ZMYM4: variants seen among roughly 807,000 people sequenced by gnomAD.
ZMYM4 encodes the protein zinc finger MYM-type containing 4, also known as zinc finger MYM-type protein 4.
A neutral mutation model predicts 183.2 loss-of-function variants in ZMYM4; 31 were observed. The ratio of observed to expected loss-of-function variants is 0.17; its 90% CI spans 0.13 to 0.23. ZMYM4 has a LOEUF of 0.23. Among genes scored for constraint, ZMYM4 ranks in the 10% least tolerant of loss-of-function variants. The probability of loss-of-function intolerance (pLI) is 1.00; values close to 1 mark genes in which losing one functional copy is unlikely to be tolerated. For synonymous variants in ZMYM4, 592 were observed against 631.2 expected (o/e 0.94, Z 0.93); for missense variants, 1,273 against 1,840.3 (o/e 0.69, Z 5.64).
intron 5 of ZMYM4, among the ~76,000 whole-genome samples, chr1:35,365,707 A>C (rs1644060770): frequency 6.6e-6 from 1 of 152,164 alleles, no homozygotes; most frequent in Non-Finnish European, 1.5e-5. Flanking sequence ...AGGTATTGGT[A>C]AAGGAATTTT....
In ZMYM4 at chr1:35,338,849, GA is replaced by G. The variant is rs1279761688; in HGVS notation, c.85+13446del. On this transcript the variant is annotated intron_variant, in intron 2 of 29. Transcript: ENST00000314607. Reference sequence around the variant, plus strand: ...ATTGTAGGCATTCTCTAAATGTTCTGAACAATAAACTTACCAGTTATAGATG... The same window carrying G: ...ATTGTAGGCATTCTCTAAATGTTCTGACAATAAACTTACCAGTTATAGATG... Among the ~76,000 whole-genome samples the G allele has an allele frequency of 2.6e-5, 4 of 152,124 alleles. No homozygotes were observed. In the East Asian group the frequency reaches 7.7e-4, roughly 29 times the overall value.
intron 1 of ZMYM4, among the ~76,000 whole-genome samples, chr1:35,279,677 C>G (rs1170284079): frequency 1.3e-5 from 2 of 152,224 alleles, no homozygotes; most frequent in East Asian, 3.8e-4. Flanking sequence ...GCTGTACCTT[C>G]AGCACTTTGC....
At chr1:35,354,434 T>C (rs1643740012) in intron 2 of ZMYM4, among the ~76,000 whole-genome samples, 1 of 152,110 alleles carries the variant, frequency 6.6e-6, no homozygotes, top group African/African-American at 2.4e-5. Flanking sequence ...TTGTAAAAGT[T>C]GAATTGTTGG....
intron 1 of ZMYM4, among the ~76,000 whole-genome samples, chr1:35,291,329 C>G (rs1405945307): frequency 2.6e-5 from 4 of 151,894 alleles, no homozygotes; most frequent in African/African-American, 9.7e-5. Context: ...TGCTTTGTTG[C>G]CTAGGCTGGT....
chr1:35,332,749 T>C (rs1446607810), intron 2 of ZMYM4, among the ~76,000 whole-genome samples: 1 of 152,156 alleles, frequency 6.6e-6, no homozygotes, highest in Non-Finnish European at 1.5e-5. Context: ...CAGGCTGTAG[T>C]GTAGTGACTA....
chr1:35,303,874 T>C (rs572290762), intron 1 of ZMYM4, among the ~76,000 whole-genome samples: 6 of 152,306 alleles, frequency 3.9e-5, no homozygotes, highest in Admixed American at 6.5e-5. Flanking sequence ...CTTTAAGTTA[T>C]ATCAATAACT....
intron 13 of ZMYM4, among the ~76,000 whole-genome samples, chr1:35,388,205 T>G (rs1644622039): frequency 6.6e-6 from 1 of 152,128 alleles, no homozygotes; most frequent in South Asian, 2.1e-4. Context: ...GTTTTTTTTG[T>G]TTTTGTTTTT....
chr1:35,327,453 C>CT (rs1642553200), intron 2 of ZMYM4, among the ~76,000 whole-genome samples: 2 of 152,064 alleles, frequency 1.3e-5, no homozygotes, highest in African/African-American at 2.4e-5. Context: ...AGGGAATGTA[C>CT]TTTTTTAAAA....
chr1:35,270,640 A>G (rs1251836619), intron 1 of ZMYM4, among the ~76,000 whole-genome samples: 1 of 152,098 alleles, frequency 6.6e-6, no homozygotes, highest in Non-Finnish European at 1.5e-5. Flanking sequence ...GGTGCCTGTA[A>G]TCCCAGCTAT....
intron 1 of ZMYM4, chr1:35,296,091 T>C (rs1348842295): frequency 6.6e-6 from 1 of 152,166 alleles, no homozygotes; most frequent in South Asian, 2.1e-4. Flanking sequence ...CCCATCTCAG[T>C]GTGGCATTTT....
chr1:35,330,537 A>G (rs896723985), intron 2 of ZMYM4, among the ~76,000 whole-genome samples: 2 of 152,158 alleles, frequency 1.3e-5, no homozygotes, highest in African/African-American at 4.8e-5. Context: ...TTAGGTTTAT[A>G]TCTCATTGGC....
At chr1:35,321,257 G>A (rs958392855) in intron 1 of ZMYM4, among the ~76,000 whole-genome samples, 2 of 152,136 alleles carry the variant, frequency 1.3e-5, no homozygotes, top group Admixed American at 6.5e-5. Flanking sequence ...ACTTTGTTCG[G>A]GAAGTTGGGT....
intron 1 of ZMYM4, among the ~76,000 whole-genome samples, chr1:35,313,308 TA>T (rs1641885682): frequency 1.3e-5 from 2 of 152,312 alleles, no homozygotes; most frequent in South Asian, 4.1e-4. Context: ...GTGTTGGGAT[TA>T]CAGGCGTGAG....
In ZMYM4 at chr1:35,391,912, G is replaced by T. The variant is rs959010168; in HGVS notation, c.2588-300G>T. ...AAAAATTAGCTGGGTGTGGTGCTGCGCACCTGTAGTCCCAGCTACTTGGGA... is the reference window on the plus strand; with the variant it reads ...AAAAATTAGCTGGGTGTGGTGCTGCTCACCTGTAGTCCCAGCTACTTGGGA... On this transcript the variant is annotated intron_variant, in intron 15 of 29. Transcript: ENST00000314607. Among the ~76,000 whole-genome samples the T allele has an allele frequency of 4.6e-5, 7 of 151,048 alleles. No homozygotes were observed. The East Asian group carries it at 1.2e-3, about 25-fold the overall frequency.
At chr1:35,313,049 A>G (rs1475276109) in intron 1 of ZMYM4, among the ~76,000 whole-genome samples, 1 of 151,998 alleles carries the variant, frequency 6.6e-6, no homozygotes, top group Admixed American at 6.6e-5. Context: ...GAGTGCCACC[A>G]CAGCTGGCTA....
At chr1:35,377,477 A>G (rs1284917093) in intron 7 of ZMYM4, among the ~76,000 whole-genome samples, 3 of 152,204 alleles carry the variant, frequency 2.0e-5, no homozygotes, top group Admixed American at 6.5e-5. Flanking sequence ...AGAGATTTGT[A>G]TAGCCATACT....
chr1:35,336,378 G>A (rs1642975877), intron 2 of ZMYM4, among the ~76,000 whole-genome samples: 1 of 151,490 alleles, frequency 6.6e-6, no homozygotes, highest in Non-Finnish European at 1.5e-5. Context: ...TGTAACATGA[G>A]TCACAATTAC....
chr1:35,282,980 G>GTTTTTTTTTTTTTTTTTTTTTTTTTTT (rs775211352), intron 1 of ZMYM4, among the ~76,000 whole-genome samples: 1 of 26,260 alleles, frequency 3.8e-5, no homozygotes, highest in East Asian at 4.9e-4. Context: ...TGTGTGTGTG[G>GTTTTTTTTTTTTTTTTTTTTTTTTTTT]TTTTTTTTTT....
At chr1:35,272,339 A>G (rs1335522656) in intron 1 of ZMYM4, among the ~76,000 whole-genome samples, 2 of 152,318 alleles carry the variant, frequency 1.3e-5, no homozygotes, top group East Asian at 1.9e-4. Flanking sequence ...CACCTGTGCT[A>G]TTTCATAAGC....
Sources: gnomAD v4.1 joint callset for allele counts (sites outside exome capture counted in the v4.1 genomes callset) on GRCh38, gnomAD v4.1.1 for gene constraint, MANE v1.5 for transcripts, NCBI Gene and HGNC (gene_info 2026-07-23, HGNC 2026-07-21) for gene names.